The following GLUD1 variants were observed in gnomAD, a reference collection of about 807,000 sequenced individuals.
The protein encoded by GLUD1 is glutamate dehydrogenase 1, also known as glutamate dehydrogenase 1, mitochondrial.
Under a neutral mutation model 56.0 loss-of-function variants are expected in GLUD1, and 22 were observed. The ratio of observed to expected loss-of-function variants is 0.39; its 90% CI spans 0.28 to 0.56. The LOEUF (loss-of-function observed/expected upper bound fraction) is 0.56. Ranked by LOEUF, GLUD1 falls within the 20% of genes least tolerant of loss-of-function variation. GLUD1 has a pLI of 0.58. For missense variants in GLUD1, 451 were observed against 732.0 expected (o/e 0.62, Z 4.43); for synonymous variants, 223 against 269.9 (o/e 0.83, Z 1.70).
intron 4 of GLUD1, among the ~76,000 whole-genome samples, chr10:87,068,859 C>A (rs775428667): frequency 6.6e-6 from 1 of 151,706 alleles, no homozygotes; most frequent in Non-Finnish European, 1.5e-5. Context: ...ACAGTAAGAT[C>A]TCTGATAAAA....
chr10:87,082,041 C>A (rs1182704493), intron 1 of GLUD1, among the ~76,000 whole-genome samples: 1 of 151,330 alleles, frequency 6.6e-6, no homozygotes, highest in Non-Finnish European at 1.5e-5. Context: ...CTGTGGAAGT[C>A]ATCACCACAT....
chr10:87,081,957 A>G (rs1038995112), intron 1 of GLUD1, among the ~76,000 whole-genome samples: 2 of 151,486 alleles, frequency 1.3e-5, no homozygotes, highest in South Asian at 2.1e-4. Flanking sequence ...AAAAAAAAAA[A>G]AAAAAAGAAA....
intron 3 of GLUD1, 34 bp downstream of exon 3, chr10:87,075,934 A>G (rs199739872): frequency 7.2e-7 from 1 of 1,388,466 alleles, no homozygotes; most frequent in Non-Finnish European, 1.0e-6. Context: ...AAACAACAAC[A>G]ACAATAAAAA....
At position 87,060,636 on chromosome 10, in the gene GLUD1, CT is replaced by C. The variant is rs1211851176; in HGVS notation, c.1197+51del. 4.3e-6 allele frequency: 7 copies of C among 1,610,138 alleles called. No homozygotes were observed. In the Admixed American group the frequency reaches 1.0e-4, roughly 23 times the overall value. ...TCAATCAGACTCTTCTATGACCCCC[CT>C]AACGTCATTCACATTGATAATGTTG... On this transcript the variant is annotated intron_variant, in intron 8 of 12. Transcript: ENST00000277865.
chr10:87,070,035 A>C (rs1214533592), intron 4 of GLUD1, among the ~76,000 whole-genome samples: 1 of 152,226 alleles, frequency 6.6e-6, no homozygotes, highest in Non-Finnish European at 1.5e-5. Flanking sequence ...AGGTCAGCAC[A>C]ACTTTGTTTA....
chr10:87,087,851 T>C (rs1841420292), intron 1 of GLUD1, among the ~76,000 whole-genome samples: 1 of 152,022 alleles, frequency 6.6e-6, no homozygotes, highest in Admixed American at 6.6e-5. Flanking sequence ...GAGGCCGAGG[T>C]GGGCTGATCA....
chr10:87,069,535 T>G (rs980142362), intron 4 of GLUD1, among the ~76,000 whole-genome samples: 5 of 145,612 alleles, frequency 3.4e-5, no homozygotes, highest in Admixed American at 7.0e-5. Context: ...AAAAAAAAAG[T>G]TAAACTATTA....
At position 87,052,012 on chromosome 10, in the gene GLUD1, C is replaced by G. The variant is rs1845643697; in HGVS notation, c.1558-142G>C. On this transcript the variant is annotated intron_variant, in intron 12 of 12. Coordinates refer to ENST00000277865, the MANE Select transcript of GLUD1 (RefSeq NM_005271.5). ...CTTGGGCAGCCAAAGACAAACTACT[C>G]TAGCAGCAGAACCTCTAGGCAGGAG... The G allele has an allele frequency of 3.3e-6, 3 of 918,432 alleles. No individual in the cohort carries two copies. In the Admixed American group the frequency reaches 5.4e-5, roughly 17 times the overall value. The allele number at this position is 918,432 out of a possible 1,614,324, so 56.9% of individuals were successfully genotyped here.
At chr10:87,053,708 T>C (rs894394534) in intron 11 of GLUD1, among the ~76,000 whole-genome samples, 2 of 152,156 alleles carry the variant, frequency 1.3e-5, no homozygotes. Flanking sequence ...TGGAGTGAGA[T>C]GAGCACCCTC....
chr10:87,074,732 T>G, intron 3 of GLUD1, 118 bp from the exon 4 acceptor site: 2 of 701,144 alleles, frequency 2.9e-6, no homozygotes, highest in East Asian at 5.3e-5. Context: ...CATGTAATCC[T>G]TAGAACAACT....
Position 87,051,740 on chromosome 10 carries a change from C to T in GLUD1, c.*11G>A, listed in dbSNP as rs780781977. 1.2e-6 allele frequency: 2 copies of T among 1,612,116 alleles called. No homozygotes were observed. The highest frequency in any genetic ancestry group is 1.7e-6 in the Non-Finnish European group (2 of 1,179,818). On this transcript the variant is annotated 3_prime_UTR_variant, in exon 13 of 13. Transcript: ENST00000277865. ...GTGAAGAGGATAGTGAGGAAGTCAG[C>T]CATGATCCATCTATGTGAAGGTCAC...
At chr10:87,086,531 AG>A (rs1841385247) in intron 1 of GLUD1, among the ~76,000 whole-genome samples, 1 of 152,150 alleles carries the variant, frequency 6.6e-6, no homozygotes, top group Non-Finnish European at 1.5e-5. Context: ...CAAACATAAA[AG>A]GAAAAAATTG....
At chr10:87,064,675 A>C (rs1184981740) in intron 5 of GLUD1, among the ~76,000 whole-genome samples, 1 of 152,252 alleles carries the variant, frequency 6.6e-6, no homozygotes, top group East Asian at 1.9e-4. Context: ...AAAGGATGAA[A>C]GCAAGGAAGA....
chr10:87,053,496 C>T, intron 11 of GLUD1, 92 bp from the exon 12 acceptor site: 1 of 827,396 alleles, frequency 1.2e-6, no homozygotes, highest in Non-Finnish European at 2.1e-6. Flanking sequence ...AGTCAATATA[C>T]AACCAGACAG....
chr10:87,088,574 C>T (rs1374459801), intron 1 of GLUD1, among the ~76,000 whole-genome samples: 3 of 151,972 alleles, frequency 2.0e-5, no homozygotes, highest in African/African-American at 7.2e-5. Context: ...CTACTAAGGC[C>T]CAATATGTAC....
intron 4 of GLUD1, 79 bp from the exon 5 acceptor site, chr10:87,068,236 C>A: frequency 1.2e-6 from 1 of 837,548 alleles, no homozygotes. Context: ...TTGTAAGTCT[C>A]TGTAATAACC....
At chr10:87,090,573 A>G (rs1841489074) in intron 1 of GLUD1, among the ~76,000 whole-genome samples, 1 of 152,220 alleles carries the variant, frequency 6.6e-6, no homozygotes, top group South Asian at 2.1e-4. Flanking sequence ...TTTGGCTTCC[A>G]TGAAATAAAA....
At chr10:87,092,456 G>A (rs896796076) in intron 1 of GLUD1, 1 of 155,688 alleles carries the variant, frequency 6.4e-6, no homozygotes, top group Non-Finnish European at 1.4e-5. Context: ...ACAGAAAATT[G>A]TATCTTACAC....
intron 1 of GLUD1, among the ~76,000 whole-genome samples, chr10:87,083,144 C>T (rs1041595065): frequency 1.3e-5 from 2 of 150,342 alleles, no homozygotes; most frequent in Non-Finnish European, 2.9e-5. Context: ...AAGGCTAAGG[C>T]GGAGGTTACA....
Sources: gnomAD v4.1 joint callset for allele counts (sites outside exome capture counted in the v4.1 genomes callset) on GRCh38, gnomAD v4.1.1 for gene constraint, MANE v1.5 for transcripts, NCBI Gene and HGNC (gene_info 2026-07-23, HGNC 2026-07-21) for gene names.